Variants in OGN observed in about 807,000 individuals in gnomAD.
OGN encodes mimecan.
Under a neutral mutation model 30.8 loss-of-function variants are expected in OGN, and 19 were observed. That is an observed-to-expected ratio of 0.62 (90% CI 0.43 to 0.90). The LOEUF (loss-of-function observed/expected upper bound fraction) is 0.90. OGN is among the 40% of genes least tolerant of loss of function. OGN has a pLI of 0.00. For synonymous variants in OGN, 126 were observed against 128.3 expected, an observed-to-expected ratio of 0.98 and a Z score of 0.12; for missense variants, 283 against 349.7, an observed-to-expected ratio of 0.81 and a Z score of 1.52.
At chr9:92,401,982 T>C (rs970070036) in intron 2 of OGN, among the ~76,000 whole-genome samples, 7 of 152,208 alleles carry the variant, frequency 4.6e-5, no homozygotes, top group African/African-American at 1.7e-4. Flanking sequence ...CCCTCTACTC[T>C]GTGTTTGCAC....
chr9:92,389,364 C>T (rs1842574175), intron 5 of OGN, among the ~76,000 whole-genome samples: 1 of 152,172 alleles, frequency 6.6e-6, no homozygotes. Context: ...TTTTATATTA[C>T]ATGCTCTCAT....
At chr9:92,386,646 G>C (rs1167061846) in intron 5 of OGN, among the ~76,000 whole-genome samples, 1 of 152,134 alleles carries the variant, frequency 6.6e-6, no homozygotes, top group Non-Finnish European at 1.5e-5. Flanking sequence ...ATGTGGGATT[G>C]AATTTTGACC....
At chr9:92,402,441 G>T (rs889014059) in intron 2 of OGN, among the ~76,000 whole-genome samples, 1 of 152,112 alleles carries the variant, frequency 6.6e-6, no homozygotes, top group African/African-American at 2.4e-5. Flanking sequence ...TATATATTTG[G>T]CTGAATTTCT....
intron 3 of OGN, among the ~76,000 whole-genome samples, chr9:92,396,691 A>G (rs1842906501): frequency 6.6e-6 from 1 of 151,648 alleles, no homozygotes; most frequent in South Asian, 2.1e-4. Flanking sequence ...CAGCCTCTCA[A>G]GTAACTGGGA....
In OGN at chr9:92,403,285, G is replaced by A. The variant is rs780949897; in HGVS notation, c.123C>T (p.Ser41=). ...YDYGTDNFEE[S]IFSQDYEDKY... ...TATCCTCATAATCTTGGCTAAATATGGATTCTTCAAAATTATCTGTTCCAT... is the reference window on the plus strand; with the variant it reads ...TATCCTCATAATCTTGGCTAAATATAGATTCTTCAAAATTATCTGTTCCAT... Residue 41 remains serine (S), a synonymous_variant, in exon 2 of 7, where the codon TCC becomes TCT. Transcript: ENST00000375561. 1.2e-6 allele frequency: 2 copies of A among 1,609,048 alleles called. No individual in the cohort carries two copies. The highest frequency in any genetic ancestry group is 1.3e-5 in the African/African-American group (1 of 74,890).
chr9:92,403,164 A>G, intron 2 of OGN, 70 bp downstream of exon 2: 2 of 1,059,104 alleles, frequency 1.9e-6, no homozygotes, highest in Non-Finnish European at 2.7e-6. Context: ...AGACACATTC[A>G]GGAAAAGCAA....
intron 3 of OGN, among the ~76,000 whole-genome samples, chr9:92,393,610 C>G (rs1183971291): frequency 3.3e-5 from 5 of 152,096 alleles, no homozygotes; most frequent in Non-Finnish European, 5.9e-5. Flanking sequence ...AGTAGCTAGA[C>G]TTTAGTAACC....
intron 3 of OGN, among the ~76,000 whole-genome samples, chr9:92,395,177 C>A (rs141514472): frequency 0.018 from 2,783 of 152,250 alleles, 36 homozygotes; most frequent in Non-Finnish European, 0.026. Context: ...AAAGTTTTCT[C>A]CTGCCCTTTG....
intron 3 of OGN, among the ~76,000 whole-genome samples, chr9:92,398,099 A>T (rs1842965830): frequency 6.6e-6 from 1 of 152,112 alleles, no homozygotes; most frequent in Admixed American, 6.6e-5. Context: ...AGTATTGCTA[A>T]CTCATAACAC....
At chr9:92,404,437 A>ATGAGTCAG in intron 1 of OGN, 59 bp downstream of exon 1, 1 of 1,083,910 alleles carries the variant, frequency 9.2e-7, no homozygotes, top group African/African-American at 1.7e-5. Context: ...AGACTATTAG[A>ATGAGTCAG]TGAGTCAGTC....
intron 4 of OGN, among the ~76,000 whole-genome samples, chr9:92,391,993 C>T (rs1045493943): frequency 1.3e-5 from 2 of 151,124 alleles, no homozygotes; most frequent in East Asian, 1.9e-4. Context: ...AAATGTGTAG[C>T]GGGGCTAGTA....
In OGN at chr9:92,390,058, T is replaced by G; in HGVS notation, c.428-2A>C. The G allele has an allele frequency of 6.5e-7, 1 of 1,532,882 alleles. No homozygotes were observed. Among genetic ancestry groups the G allele is most frequent in the Non-Finnish European group, 8.9e-7 (1 of 1,122,370 alleles). 95.0% of individuals were successfully genotyped at this position (1,532,882 alleles called of 1,614,324 possible). ...TAAAATCGAGTCTTCTTAAGTTAGCTAGAGGGAAAAAAATATAAAAAACAA... is the reference window on the plus strand; with the variant it reads ...TAAAATCGAGTCTTCTTAAGTTAGCGAGAGGGAAAAAAATATAAAAAACAA... On this transcript the variant is annotated splice_acceptor_variant, in intron 4 of 6. Transcript: ENST00000375561. LOFTEE classifies it high-confidence loss of function.
Position 92,386,307 on chromosome 9 carries a change from A to C in OGN, c.631-11T>G. ...GAGGTTATTCAGTTTCTGTAAGGAA[A>C]ATTTCATGTGAGTGTTATTGAGGTT... On this transcript the variant is annotated splice_polypyrimidine_tract_variant and intron_variant, in intron 5 of 6. Transcript: ENST00000375561. 1 of 1,569,412 alleles carries C rather than the reference A, an allele frequency of 6.4e-7. No individual in the cohort carries two copies. The highest frequency in any genetic ancestry group is 8.8e-7 in the Non-Finnish European group (1 of 1,139,598).
At position 92,385,514 on chromosome 9, in the gene OGN, T is replaced by G; in HGVS notation, c.*106A>C. On this transcript the variant is annotated 3_prime_UTR_variant, in exon 7 of 7. Coordinates refer to ENST00000375561, the MANE Select transcript of OGN (RefSeq NM_014057.5). ...CTTAAAATATTAAATTCCTTCAAAA[T>G]GAGATACAAGGTTAATATTAAACCA... 116 of 937,604 alleles carry G rather than the reference T, an allele frequency of 1.2e-4. No individual in the cohort carries two copies. The highest frequency in any genetic ancestry group is 1.6e-4 in the Non-Finnish European group (101 of 624,908). 58.1% of individuals were successfully genotyped at this position (937,604 alleles called of 1,614,324 possible).
intron 2 of OGN, among the ~76,000 whole-genome samples, chr9:92,402,368 A>G (rs1843151026): frequency 6.6e-6 from 1 of 152,218 alleles, no homozygotes; most frequent in Non-Finnish European, 1.5e-5. Flanking sequence ...TAACTGGTCA[A>G]TCTTATAAGT....
At chr9:92,393,894 G>A (rs1842786725) in intron 3 of OGN, among the ~76,000 whole-genome samples, 1 of 151,976 alleles carries the variant, frequency 6.6e-6, no homozygotes, top group Admixed American at 6.6e-5. Context: ...CGTCAGTGCT[G>A]TGTGTCCAAA....
Position 92,384,362 on chromosome 9 carries a change from C to G in OGN, c.*1258G>C, listed in dbSNP as rs901141180. On this transcript the variant is annotated 3_prime_UTR_variant, in exon 7 of 7. Coordinates refer to ENST00000375561, the MANE Select transcript of OGN (RefSeq NM_014057.5). The stretch of plus-strand genomic sequence containing the variant: ...GTATGTATTCTGTACACAGAGACAA[C>G]TTGATTTCAATACATACTTTATGGT... 4 of 152,078 alleles carry G rather than the reference C, an allele frequency of 2.6e-5. No individual in the cohort carries two copies. The highest frequency in any genetic ancestry group is 4.4e-5 in the Non-Finnish European group (3 of 67,988). The allele number at this position is 152,078 out of a possible 1,614,324, so 9.4% of individuals were successfully genotyped here.
Position 92,396,755 on chromosome 9 carries a change from G to T in OGN, c.269-3511C>A, listed in dbSNP as rs185520130. 3.6e-3 allele frequency among the ~76,000 whole-genome samples: 548 copies of T among 151,920 alleles called. 4 individuals carry two copies. Among genetic ancestry groups the T allele is most frequent in the African/African-American group, 0.012 (515 of 41,458 alleles). ...TTTTCTTGGTTAAATTTTTTGTAGA[G>T]ACATGGTGTCACTATGTTGCCCAAG... On this transcript the variant is annotated intron_variant, in intron 3 of 6. Coordinates refer to ENST00000375561, the MANE Select transcript of OGN (RefSeq NM_014057.5).
chr9:92,391,331 T>C (rs1213858208), intron 4 of OGN, among the ~76,000 whole-genome samples: 2 of 151,430 alleles, frequency 1.3e-5, no homozygotes, highest in Non-Finnish European at 2.9e-5. Context: ...GGCATGAACC[T>C]GGGAGGCGGA....
Sources: allele counts gnomAD v4.1 joint callset (sites outside exome capture counted in the v4.1 genomes callset), GRCh38; gene constraint gnomAD v4.1.1; transcripts MANE v1.5; gene names NCBI Gene and HGNC (gene_info 2026-07-23, HGNC 2026-07-21).